Variants in FAM168A observed in about 807,000 individuals in gnomAD.
The protein encoded by FAM168A is protein FAM168A.
Under a neutral mutation model 28.5 loss-of-function variants are expected in FAM168A, and 3 were observed. The observed-to-expected ratio is 0.11, with a 90% CI of 0.05 to 0.27. The LOEUF (loss-of-function observed/expected upper bound fraction) is 0.27, where lower values mean the gene tolerates loss of function less well. FAM168A is among the 10% of genes least tolerant of loss of function. The pLI is 1.00. For synonymous variants in FAM168A, 122 were observed against 124.2 expected (o/e 0.98, Z 0.12); for missense variants, 222 against 311.5 (o/e 0.71, Z 2.16).
chr11:73,426,136 A>C (rs144033536), intron 3 of FAM168A, among the ~76,000 whole-genome samples: 201 of 152,360 alleles, frequency 1.3e-3, no homozygotes, highest in African/African-American at 4.4e-3. Context: ...GATTCTCATG[A>C]GGAGGTTATT....
At position 73,430,390 on chromosome 11, in the gene FAM168A, T is replaced by C. The variant is rs139281441; in HGVS notation, c.151+300A>G. 2.6e-3 allele frequency: 873 copies of C among 331,006 alleles called. 11 individuals carry two copies. The highest frequency in any genetic ancestry group is 0.014 in the African/African-American group (652 of 45,384). 20.5% of individuals were successfully genotyped at this position (331,006 alleles called of 1,614,324 possible). On this transcript the variant is annotated intron_variant, in intron 3 of 7. Coordinates refer to ENST00000356467, the MANE Select transcript of FAM168A (RefSeq NM_015159.3). ...AGGGAAAACTGAGCAAAGAATGAAT[T>C]TGGACATTGCTTGGGAGAGCAGAAA...
At chr11:73,500,431 G>C (rs1488132830) in intron 1 of FAM168A, among the ~76,000 whole-genome samples, 1 of 151,810 alleles carries the variant, frequency 6.6e-6, no homozygotes, top group African/African-American at 2.4e-5. Flanking sequence ...GCTAATTTTT[G>C]TATTTTTAGT....
chr11:73,548,498 A>C (rs11235802), intron 1 of FAM168A, among the ~76,000 whole-genome samples: 12,223 of 152,262 alleles, frequency 0.08, 579 homozygotes, highest in Admixed American at 0.11. Flanking sequence ...GTAATTCTTT[A>C]AGCTGCATAT....
chr11:73,488,572 A>G (rs1180897639), intron 1 of FAM168A, among the ~76,000 whole-genome samples: 1 of 152,204 alleles, frequency 6.6e-6, no homozygotes, highest in East Asian at 1.9e-4. Flanking sequence ...ATCATCGAAA[A>G]GAGAGTTTTC....
chr11:73,517,544 G>A (rs1026205695), intron 1 of FAM168A, among the ~76,000 whole-genome samples: 5 of 151,984 alleles, frequency 3.3e-5, no homozygotes, highest in Admixed American at 6.5e-5. Context: ...CGGCGGGGGC[G>A]GGGGGTGGTT....
intron 2 of FAM168A, among the ~76,000 whole-genome samples, chr11:73,456,239 T>C (rs1345262765): frequency 6.6e-6 from 1 of 152,192 alleles, no homozygotes; most frequent in Admixed American, 6.5e-5. Context: ...TGCAAAACCT[T>C]AAATAAAATC....
At chr11:73,545,937 C>G (rs1943745558) in intron 1 of FAM168A, among the ~76,000 whole-genome samples, 2 of 152,078 alleles carry the variant, frequency 1.3e-5, no homozygotes, top group Admixed American at 1.3e-4. Flanking sequence ...GACAAAACAC[C>G]TACATCTCAC....
At chr11:73,580,908 C>T (rs1299107033) in intron 1 of FAM168A, among the ~76,000 whole-genome samples, 2 of 152,214 alleles carry the variant, frequency 1.3e-5, no homozygotes, top group Admixed American at 6.5e-5. Flanking sequence ...TAAACCCAGA[C>T]ATCTGTTGGG....
chr11:73,411,355 C>A, intron 5 of FAM168A, 39 bp downstream of exon 5: 5 of 1,549,576 alleles, frequency 3.2e-6, no homozygotes, highest in Non-Finnish European at 4.4e-6. Context: ...GCTGAAGGCT[C>A]CTCTACCTGC....
chr11:73,491,641 CTGT>C (rs1159175282), intron 1 of FAM168A, among the ~76,000 whole-genome samples: 1 of 152,236 alleles, frequency 6.6e-6, no homozygotes, highest in Non-Finnish European at 1.5e-5. Context: ...CTGCACCACA[CTGT>C]TGTTGTATAA....
At chr11:73,545,399 G>C (rs1461311038) in intron 1 of FAM168A, among the ~76,000 whole-genome samples, 2 of 151,952 alleles carry the variant, frequency 1.3e-5, no homozygotes, top group Non-Finnish European at 2.9e-5. Flanking sequence ...CCATTTATAT[G>C]AAATATCCTG....
At chr11:73,542,255 G>A (rs970548026) in intron 1 of FAM168A, among the ~76,000 whole-genome samples, 1 of 152,006 alleles carries the variant, frequency 6.6e-6, no homozygotes, top group African/African-American at 2.4e-5. Context: ...GAGATCTTTT[G>A]GTTATCTAAT....
intron 2 of FAM168A, among the ~76,000 whole-genome samples, chr11:73,446,499 G>A (rs1445768018): frequency 6.6e-6 from 1 of 152,162 alleles, no homozygotes; most frequent in African/African-American, 2.4e-5. Flanking sequence ...ACATCTAAAA[G>A]GAAAGGTCTC....
At chr11:73,540,980 G>A (rs922982751) in intron 1 of FAM168A, among the ~76,000 whole-genome samples, 1 of 152,116 alleles carries the variant, frequency 6.6e-6, no homozygotes, top group African/African-American at 2.4e-5. Context: ...CAAGGCAGGA[G>A]AATCACCTGA....
intron 1 of FAM168A, among the ~76,000 whole-genome samples, chr11:73,526,032 C>A (rs1363052458): frequency 6.6e-6 from 1 of 151,966 alleles, no homozygotes; most frequent in Non-Finnish European, 1.5e-5. Context: ...GAACAGTTAG[C>A]CTAGTATAAA....
At position 73,595,039 on chromosome 11, in the gene FAM168A, T is replaced by A. The variant is rs145166040; in HGVS notation, c.-19+2884A>T. On this transcript the variant is annotated intron_variant, in intron 1 of 7. Transcript: ENST00000356467. ...CAAAAACACATTACTACTACACAGG[T>A]AACCACGGCTGTGGAAAAAAAAAAT... 1.5e-3 allele frequency among the ~76,000 whole-genome samples: 230 copies of A among 152,180 alleles called. 10 individuals are homozygous for A. The highest frequency in any genetic ancestry group is 1.5e-3 in the South Asian group (7 of 4,824).
chr11:73,496,911 A>G (rs982416126), intron 1 of FAM168A, among the ~76,000 whole-genome samples: 51 of 148,816 alleles, frequency 3.4e-4, no homozygotes, highest in Non-Finnish European at 6.5e-4. Flanking sequence ...ACACACGCAC[A>G]CACACGCACA....
At chr11:73,570,430 A>G (rs995967930) in intron 1 of FAM168A, among the ~76,000 whole-genome samples, 2 of 152,236 alleles carry the variant, frequency 1.3e-5, no homozygotes, top group South Asian at 4.1e-4. Flanking sequence ...GTTTAGTACA[A>G]GAAACATATT....
At chr11:73,465,318 A>C (rs1017865096) in intron 2 of FAM168A, among the ~76,000 whole-genome samples, 12 of 150,994 alleles carry the variant, frequency 7.9e-5, no homozygotes, top group Non-Finnish European at 1.6e-4. Context: ...AGATGAGAAG[A>C]ATGTTGAGGT....
Sources: gnomAD v4.1 joint callset for allele counts (sites outside exome capture counted in the v4.1 genomes callset) on GRCh38, gnomAD v4.1.1 for gene constraint, MANE v1.5 for transcripts, NCBI Gene and HGNC (gene_info 2026-07-23, HGNC 2026-07-21) for gene names.